The following GRAMD1C variants were observed in gnomAD, a reference collection of about 807,000 sequenced individuals.
GRAMD1C encodes the protein GRAM domain containing 1C.
In GRAMD1C, 89 loss-of-function variants were observed where a neutral mutation model predicts 97.8. The observed-to-expected ratio is 0.91, with a 90% CI of 0.77 to 1.09. GRAMD1C has a LOEUF of 1.09. GRAMD1C is among the 50% of genes least tolerant of loss of function. GRAMD1C has a pLI of 0.00. For missense variants in GRAMD1C, 740 were observed against 766.4 expected, an observed-to-expected ratio of 0.97 and a Z score of 0.41; for synonymous variants, 256 against 267.0, an observed-to-expected ratio of 0.96 and a Z score of 0.40.
chr3:113,944,296 G>A (rs561662972), intron 17 of GRAMD1C, among the ~76,000 whole-genome samples: 1 of 152,304 alleles, frequency 6.6e-6, no homozygotes, highest in South Asian at 2.1e-4. Context: ...CCATTCATAG[G>A]AGCCGTCATG....
At chr3:113,871,387 G>A (rs886777624) in intron 3 of GRAMD1C, among the ~76,000 whole-genome samples, 4 of 152,046 alleles carry the variant, frequency 2.6e-5, no homozygotes, top group African/African-American at 9.7e-5. Context: ...ATTTATTTAG[G>A]TTGGGTGTGG....
chr3:113,836,994 A>G (rs951095936), upstream of GRAMD1C, among the ~76,000 whole-genome samples: 3 of 152,162 alleles, frequency 2.0e-5, no homozygotes, highest in African/African-American at 7.2e-5. Context: ...TGTATACATA[A>G]ATCATTAATT....
chr3:113,904,365 A>G, intron 8 of GRAMD1C, 93 bp downstream of exon 8: 2 of 911,504 alleles, frequency 2.2e-6, no homozygotes, highest in Non-Finnish European at 3.3e-6. Context: ...ACAAAATGTT[A>G]AAAATAAGAT....
intron 6 of GRAMD1C, among the ~76,000 whole-genome samples, chr3:113,893,058 T>C (rs1476112115): frequency 6.6e-6 from 1 of 152,238 alleles, no homozygotes; most frequent in Non-Finnish European, 1.5e-5. Flanking sequence ...CATGCTCATT[T>C]GTTTATGTAT....
At chr3:113,886,021 G>C in intron 6 of GRAMD1C, 1 of 1,495,230 alleles carries the variant, frequency 6.7e-7, no homozygotes, top group Non-Finnish European at 9.1e-7. Context: ...CACCAACATC[G>C]GCTCTGGTGA....
chr3:113,942,211 G>T (rs1022291853), intron 17 of GRAMD1C, among the ~76,000 whole-genome samples: 4 of 150,588 alleles, frequency 2.7e-5, no homozygotes, highest in Non-Finnish European at 5.9e-5. Flanking sequence ...ACTGCTCCCA[G>T]CTGCAATTTT....
intron 9 of GRAMD1C, among the ~76,000 whole-genome samples, chr3:113,913,968 T>G (rs746179628): frequency 2.0e-5 from 3 of 152,134 alleles, no homozygotes; most frequent in Non-Finnish European, 4.4e-5. Context: ...ATCATTTTAT[T>G]TAGTGATAGT....
At chr3:113,945,302 A>G in intron 17 of GRAMD1C, 96 bp from the exon 18 acceptor site, 3 of 731,758 alleles carry the variant, frequency 4.1e-6, no homozygotes, top group Admixed American at 2.3e-5. Flanking sequence ...ACAAAACTAT[A>G]TTAAGTGTCA....
intron 10 of GRAMD1C, among the ~76,000 whole-genome samples, chr3:113,921,015 T>C (rs1937026561): frequency 6.6e-6 from 1 of 152,162 alleles, no homozygotes; most frequent in Admixed American, 6.5e-5. Context: ...GTGACCCAGG[T>C]AATAAGCATG....
rs745533053 is a variant in GRAMD1C, at chr3:113,909,034, C to T, written c.866C>T (p.Thr289Ile). The change falls in exon 9 of 18, where the codon ACT (threonine) becomes ATT (isoleucine). Residue 289 changes from threonine to isoleucine, a missense_variant. Thr to Ile is a moderately conservative substitution (Grantham distance 89). Coordinates refer to ENST00000358160, the MANE Select transcript of GRAMD1C (RefSeq NM_017577.5). ...TTACCAACTTTGGAAAAGAAGTTAA[C>T]TAGAGTGCCATCAAAGTCACTGGAC... ...SLLPTLEKKL[T>I]RVPSKSLDLN... The T allele has an allele frequency of 1.3e-5, 21 of 1,567,820 alleles. No homozygotes were observed. Among genetic ancestry groups the T allele is most frequent in the Non-Finnish European group, 3.5e-6 (4 of 1,154,102 alleles).
rs1332780634 is a variant in GRAMD1C, at chr3:113,906,238, T to G, written c.789+1966T>G. Among the ~76,000 whole-genome samples the G allele has an allele frequency of 3.9e-5, 6 of 152,146 alleles. 1 individual carries two copies. The highest frequency in any genetic ancestry group is 3.9e-4 in the Admixed American group (6 of 15,282). ...ACTTCTATATACAAAAAAAGTTAAC[T>G]TTGAAACAGCCTCAGCCAGGTCCTT... On this transcript the variant is annotated intron_variant, in intron 8 of 17. Transcript: ENST00000358160.
At chr3:113,878,909 T>G (rs1935155391) in intron 5 of GRAMD1C, among the ~76,000 whole-genome samples, 1 of 152,054 alleles carries the variant, frequency 6.6e-6, no homozygotes, top group Non-Finnish European at 1.5e-5. Flanking sequence ...ACAGAGGCTC[T>G]CATGTAAAAA....
intron 8 of GRAMD1C, among the ~76,000 whole-genome samples, chr3:113,905,635 C>T (rs767556829): frequency 6.6e-6 from 1 of 151,814 alleles, no homozygotes; most frequent in East Asian, 1.9e-4. Flanking sequence ...TATGAAAATG[C>T]AGTCATGCTC....
chr3:113,871,009 A>ACG (rs1559786851), intron 3 of GRAMD1C, among the ~76,000 whole-genome samples: 6 of 112,322 alleles, frequency 5.3e-5, no homozygotes, highest in African/African-American at 2.0e-4. Flanking sequence ...ACACACACAC[A>ACG]CACACACACA....
At chr3:113,849,541 C>T in intron 2 of GRAMD1C, among the ~76,000 whole-genome samples, 1 of 151,820 alleles carries the variant, frequency 6.6e-6, no homozygotes, top group Non-Finnish European at 1.5e-5. Context: ...CAAAGCACAT[C>T]TTGCACCGCC....
intron 17 of GRAMD1C, among the ~76,000 whole-genome samples, chr3:113,943,629 C>G (rs1445418912): frequency 6.6e-6 from 1 of 152,126 alleles, no homozygotes; most frequent in Non-Finnish European, 1.5e-5. Flanking sequence ...AAAACATCTC[C>G]TTGGCTGGGC....
chr3:113,869,463 T>C, intron 2 of GRAMD1C, 44 bp from the exon 3 acceptor site: 1 of 922,778 alleles, frequency 1.1e-6, no homozygotes. Flanking sequence ...TCTAGGACAC[T>C]ATAATTACAA....
intron 2 of GRAMD1C, chr3:113,850,601 A>G (rs1367057241): frequency 1.2e-6 from 2 of 1,607,504 alleles, no homozygotes; most frequent in East Asian, 2.2e-5. Flanking sequence ...CCTTCATGAC[A>G]TGAAGGTTGG....
chr3:113,922,985 C>A (rs1937112285), intron 10 of GRAMD1C, among the ~76,000 whole-genome samples: 1 of 151,894 alleles, frequency 6.6e-6, no homozygotes, highest in Admixed American at 6.6e-5. Context: ...AGATCTTTCA[C>A]CTTCCTGGTT....
Sources: allele counts gnomAD v4.1 joint callset (sites outside exome capture counted in the v4.1 genomes callset), GRCh38; gene constraint gnomAD v4.1.1; transcripts MANE v1.5; gene names NCBI Gene and HGNC (gene_info 2026-07-23, HGNC 2026-07-21).